The following EFL1 variants were observed in gnomAD, a reference collection of about 807,000 sequenced individuals.
The protein encoded by EFL1 is elongation factor-like GTPase 1.
EFL1 carries 76 observed loss-of-function variants against 126.7 expected under a neutral mutation model. The observed-to-expected ratio is 0.60, with a 90% CI of 0.50 to 0.73. The LOEUF is 0.73. Ranked by LOEUF, EFL1 falls within the 30% of genes least tolerant of loss-of-function variation. EFL1 has a pLI of 0.00. For synonymous variants in EFL1, 410 were observed against 448.4 expected, an observed-to-expected ratio of 0.91 and a Z score of 1.08; for missense variants, 1,128 against 1,343.2, an observed-to-expected ratio of 0.84 and a Z score of 2.50.
chr15:82,243,767 C>T (rs28564699), intron 4 of EFL1, among the ~76,000 whole-genome samples: 68,866 of 149,440 alleles, frequency 0.46, 16,400 homozygotes, highest in African/African-American at 0.52. Flanking sequence ...CTATGCTCCC[C>T]TAAGTACGCG....
intron 15 of EFL1, among the ~76,000 whole-genome samples, chr15:82,186,337 T>G (rs2074303431): frequency 6.6e-6 from 1 of 152,160 alleles, no homozygotes; most frequent in East Asian, 1.9e-4. Flanking sequence ...GAAAGGCCAT[T>G]AACATAACAC....
chr15:82,214,981 T>A (rs759203177), intron 14 of EFL1, 126 bp from the exon 15 acceptor site: 1 of 824,868 alleles, frequency 1.2e-6, no homozygotes, highest in Non-Finnish European at 1.8e-6. Context: ...ACCTGAAATA[T>A]GAACATTTGA....
At chr15:82,147,550 G>A (rs1858640485) in intron 18 of EFL1, among the ~76,000 whole-genome samples, 3 of 149,252 alleles carry the variant, frequency 2.0e-5, no homozygotes, top group Non-Finnish European at 4.4e-5. Flanking sequence ...GCTGAGTCAG[G>A]AGAATTGTTT....
At chr15:82,207,822 A>G (rs1440134568) in intron 15 of EFL1, among the ~76,000 whole-genome samples, 2 of 151,028 alleles carry the variant, frequency 1.3e-5, no homozygotes, top group African/African-American at 2.4e-5. Flanking sequence ...CCCCGGGTTC[A>G]AGGGATTCTC....
chr15:82,219,908 C>A, intron 13 of EFL1, 90 bp from the exon 14 acceptor site: 1 of 1,501,342 alleles, frequency 6.7e-7, no homozygotes, highest in Non-Finnish European at 8.9e-7. Context: ...AATATGATAT[C>A]TTTCGTCAAG....
chr15:82,135,976 A>T (rs2073717242), intron 19 of EFL1, among the ~76,000 whole-genome samples: 1 of 151,996 alleles, frequency 6.6e-6, no homozygotes, highest in Non-Finnish European at 1.5e-5. Flanking sequence ...GCCTCCTTAG[A>T]CTCAAAAGAG....
intron 15 of EFL1, among the ~76,000 whole-genome samples, chr15:82,184,348 G>C (rs1400779352): frequency 6.6e-6 from 1 of 152,160 alleles, no homozygotes; most frequent in African/African-American, 2.4e-5. Context: ...CAACCTCAGA[G>C]AGTGATTTAG....
intron 14 of EFL1, among the ~76,000 whole-genome samples, chr15:82,218,046 A>T (rs886108850): frequency 1.3e-5 from 2 of 152,188 alleles, no homozygotes; most frequent in Non-Finnish European, 2.9e-5. Flanking sequence ...GCTTGGAAGC[A>T]GGTTCTTCAT....
chr15:82,241,659 CCACTATGATACT>C (rs561099764), intron 4 of EFL1, among the ~76,000 whole-genome samples: 5 of 152,206 alleles, frequency 3.3e-5, no homozygotes, highest in Non-Finnish European at 7.3e-5. Flanking sequence ...TGGGAGCCAG[CCACTATGATACT>C]CACTTTTAAT....
intron 15 of EFL1, among the ~76,000 whole-genome samples, chr15:82,175,265 C>G (rs950525497): frequency 6.6e-6 from 1 of 152,150 alleles, no homozygotes; most frequent in Non-Finnish European, 1.5e-5. Flanking sequence ...GACACTGATA[C>G]AGCTTACTTG....
chr15:82,141,687 C>CAAAAAAAAAAA (rs111707224), intron 18 of EFL1, among the ~76,000 whole-genome samples: 1 of 111,770 alleles, frequency 8.9e-6, no homozygotes. Context: ...AAAAAAAAAC[C>CAAAAAAAAAAA]AAAAAAAAAA....
chr15:82,166,468 A>T (rs1386932966), intron 15 of EFL1, among the ~76,000 whole-genome samples: 2 of 152,244 alleles, frequency 1.3e-5, no homozygotes, highest in Admixed American at 1.3e-4. Flanking sequence ...CCTGTACTAC[A>T]TGTCAACATT....
chr15:82,134,309 T>G (rs1461732814), intron 19 of EFL1, among the ~76,000 whole-genome samples: 1 of 151,978 alleles, frequency 6.6e-6, no homozygotes, highest in Non-Finnish European at 1.5e-5. Context: ...CAGCTTGTGC[T>G]CTACAGAAAG....
intron 15 of EFL1, among the ~76,000 whole-genome samples, chr15:82,197,966 A>C (rs771231557): frequency 5.3e-5 from 8 of 152,210 alleles, no homozygotes; most frequent in Non-Finnish European, 1.2e-4. Context: ...ATAACCTACA[A>C]TGAGAAGTCC....
chr15:82,195,390 T>C (rs2074398474), intron 15 of EFL1, among the ~76,000 whole-genome samples: 1 of 152,148 alleles, frequency 6.6e-6, no homozygotes, highest in Non-Finnish European at 1.5e-5. Flanking sequence ...TCTGGGCAGA[T>C]TAATATATCT....
chr15:82,179,017 G>A (rs1463746684), intron 15 of EFL1, among the ~76,000 whole-genome samples: 3 of 152,086 alleles, frequency 2.0e-5, no homozygotes, highest in Non-Finnish European at 2.9e-5. Context: ...GGTGGCACAC[G>A]CCTGTAGTCC....
chr15:82,206,650 T>C (rs1490505408), intron 15 of EFL1, among the ~76,000 whole-genome samples: 1 of 152,128 alleles, frequency 6.6e-6, no homozygotes, highest in East Asian at 1.9e-4. Flanking sequence ...TTAACACTGG[T>C]CTCCATTACA....
intron 12 of EFL1, among the ~76,000 whole-genome samples, chr15:82,222,653 C>A (rs1003146796): frequency 2.6e-5 from 4 of 152,092 alleles, no homozygotes; most frequent in Admixed American, 6.5e-5. Flanking sequence ...ATGATGGTAG[C>A]GGGGAACAAA....
intron 16 of EFL1, among the ~76,000 whole-genome samples, chr15:82,160,632 A>C (rs1332242499): frequency 1.3e-5 from 2 of 152,132 alleles, no homozygotes; most frequent in African/African-American, 4.8e-5. Context: ...TATCTATATA[A>C]GCATAGGTAT....
Sources: gnomAD v4.1 joint callset for allele counts (sites outside exome capture counted in the v4.1 genomes callset) on GRCh38, gnomAD v4.1.1 for gene constraint, MANE v1.5 for transcripts, NCBI Gene and HGNC (gene_info 2026-07-23, HGNC 2026-07-21) for gene names.